L3MBTL4: variants seen among roughly 807,000 people sequenced by gnomAD.
L3MBTL4 encodes L3MBTL histone methyl-lysine binding protein 4.
L3MBTL4 carries 70 observed loss-of-function variants against 84.5 expected under a neutral mutation model. That is an observed-to-expected ratio of 0.83 (90% CI 0.68 to 1.01). The LOEUF is 1.01. Ranked by LOEUF, L3MBTL4 falls within the 50% of genes least tolerant of loss-of-function variation. The probability of loss-of-function intolerance (pLI) is 0.00; values close to 1 mark genes in which losing one functional copy is unlikely to be tolerated. For synonymous variants in L3MBTL4, 274 were observed against 259.8 expected (o/e 1.05, Z -0.52); for missense variants, 715 against 754.8 (o/e 0.95, Z 0.62).
intron 12 of L3MBTL4, among the ~76,000 whole-genome samples, chr18:6,182,294 C>G (rs926054262): frequency 1.3e-5 from 2 of 152,098 alleles, no homozygotes; most frequent in Admixed American, 6.6e-5. Flanking sequence ...GTGTGTGTGT[C>G]TCTTTTTGAA....
At chr18:6,169,569 C>T (rs2043858419) in intron 13 of L3MBTL4, among the ~76,000 whole-genome samples, 1 of 150,656 alleles carries the variant, frequency 6.6e-6, no homozygotes, top group Non-Finnish European at 1.5e-5. Flanking sequence ...CTCAGCCACC[C>T]ATCACAAGGA....
At chr18:6,012,529 A>G (rs142053529) in intron 16 of L3MBTL4, among the ~76,000 whole-genome samples, 3 of 152,238 alleles carry the variant, frequency 2.0e-5, no homozygotes, top group African/African-American at 7.2e-5. Flanking sequence ...TTCTGTATTA[A>G]GTTCTCTGTA....
intron 16 of L3MBTL4, chr18:6,031,802 A>C (rs2055814139): frequency 1.4e-5 from 13 of 959,228 alleles, no homozygotes; most frequent in Non-Finnish European, 1.5e-5. Context: ...AAGGCAAATC[A>C]GATTCATGGT....
In L3MBTL4 at chr18:6,115,039, G is replaced by A. The variant is rs143580508; in HGVS notation, c.1200-21511C>T. On this transcript the variant is annotated intron_variant, in intron 14 of 18. Transcript: ENST00000317931. Reference sequence around the variant, plus strand: ...TTGGGGGTTCACCAAGTGAAGTGTCGGTGAGATTGGGACAGTGACAGGCTC... The same window carrying A: ...TTGGGGGTTCACCAAGTGAAGTGTCAGTGAGATTGGGACAGTGACAGGCTC... Among the ~76,000 whole-genome samples the A allele has an allele frequency of 9.0e-3, 1,361 of 152,054 alleles. 13 individuals are homozygous for A. Among genetic ancestry groups the A allele is most frequent in the South Asian group, 0.02 (98 of 4,812 alleles).
At chr18:6,114,225 G>A (rs1399398847) in intron 14 of L3MBTL4, among the ~76,000 whole-genome samples, 1 of 152,202 alleles carries the variant, frequency 6.6e-6, no homozygotes, top group African/African-American at 2.4e-5. Context: ...GGAGATAAGA[G>A]CAGGGCTGGG....
chr18:6,261,806 T>C (rs1040457887), intron 5 of L3MBTL4, among the ~76,000 whole-genome samples: 3 of 152,206 alleles, frequency 2.0e-5, no homozygotes, highest in African/African-American at 4.8e-5. Context: ...GAAGAAGCTC[T>C]AGAATAATGT....
intron 15 of L3MBTL4, among the ~76,000 whole-genome samples, chr18:6,088,545 C>G (rs1360321523): frequency 1.4e-5 from 2 of 145,462 alleles, no homozygotes; most frequent in African/African-American, 5.3e-5. Context: ...AACAACACTG[C>G]AGGCGATGAT....
chr18:6,130,633 T>G (rs550702100), intron 14 of L3MBTL4, among the ~76,000 whole-genome samples: 1 of 152,332 alleles, frequency 6.6e-6, no homozygotes, highest in South Asian at 2.1e-4. Flanking sequence ...TACCTGTGTA[T>G]GTTTTATGAC....
chr18:6,277,810 G>A (rs995160996), intron 4 of L3MBTL4, among the ~76,000 whole-genome samples: 2 of 151,914 alleles, frequency 1.3e-5, no homozygotes, highest in African/African-American at 4.8e-5. Context: ...ATACAGAAAA[G>A]GTAATAATAA....
At chr18:6,290,531 T>A (rs75297998) in intron 4 of L3MBTL4, among the ~76,000 whole-genome samples, 14 of 100,226 alleles carry the variant, frequency 1.4e-4, no homozygotes, top group Non-Finnish European at 1.7e-4. Context: ...TTTTATTTTT[T>A]TTTTTTAATT....
chr18:6,103,659 T>C (rs1294059078), intron 14 of L3MBTL4, among the ~76,000 whole-genome samples: 1 of 152,222 alleles, frequency 6.6e-6, no homozygotes, highest in Admixed American at 6.5e-5. Context: ...TTAAATGAAA[T>C]TGTTAACAGT....
At chr18:6,174,160 A>C (rs1042440056) in intron 12 of L3MBTL4, among the ~76,000 whole-genome samples, 3 of 151,254 alleles carry the variant, frequency 2.0e-5, no homozygotes, top group African/African-American at 7.3e-5. Flanking sequence ...AAAAAAAAAA[A>C]CTCCCACTAT....
In L3MBTL4 at chr18:6,263,997, A is replaced by G. The variant is rs1568403776; in HGVS notation, c.169T>C (p.Tyr57His). ...GCGACAGCCTTCTGTTCTTTCAAGTACCACTCCCAAGACCATGCTCCCTGT... is the reference window on the plus strand; with the variant it reads ...GCGACAGCCTTCTGTTCTTTCAAGTGCCACTCCCAAGACCATGCTCCCTGT... ...AAQGAWSWEW[Y>H]LKEQKAVAAP... Residue 57 changes from tyrosine (Y) to histidine (H), a missense_variant, in exon 5 of 19, where the codon TAC (tyrosine) becomes CAC (histidine). Coordinates refer to ENST00000317931, the MANE Select transcript of L3MBTL4 (RefSeq NM_001330559.2). The G allele has an allele frequency of 6.2e-7, 1 of 1,614,102 alleles. No homozygotes were observed. Among genetic ancestry groups the G allele is most frequent in the Non-Finnish European group, 8.5e-7 (1 of 1,179,918 alleles).
At chr18:6,016,011 G>A (rs867847229) in intron 16 of L3MBTL4, among the ~76,000 whole-genome samples, 58 of 152,306 alleles carry the variant, frequency 3.8e-4, no homozygotes, top group African/African-American at 1.3e-3. Flanking sequence ...TCTCTACTGA[G>A]TGTCCTGTGA....
chr18:6,090,378 T>C (rs2058403048), intron 15 of L3MBTL4, among the ~76,000 whole-genome samples: 1 of 152,052 alleles, frequency 6.6e-6, no homozygotes, highest in South Asian at 2.1e-4. Flanking sequence ...TATTTACTAA[T>C]TATAACCCTG....
intron 1 of L3MBTL4, among the ~76,000 whole-genome samples, chr18:6,375,859 C>T (rs2054345342): frequency 6.6e-6 from 1 of 152,094 alleles, no homozygotes; most frequent in Non-Finnish European, 1.5e-5. Flanking sequence ...GTGAGCAGAG[C>T]CACTCAACAA....
At chr18:5,958,907 G>A (rs368427265) in intron 18 of L3MBTL4, among the ~76,000 whole-genome samples, 27 of 152,160 alleles carry the variant, frequency 1.8e-4, no homozygotes, top group Admixed American at 9.2e-4. Flanking sequence ...CTTACCCTAC[G>A]TGGACAGACT....
chr18:6,030,258 C>A (rs1013116722), intron 16 of L3MBTL4: 1 of 971,036 alleles, frequency 1.0e-6, no homozygotes, highest in Non-Finnish European at 1.2e-6. Context: ...GGAGAGATAC[C>A]CCCTTATACC....
intron 13 of L3MBTL4, among the ~76,000 whole-genome samples, chr18:6,141,021 GC>G (rs1390889900): frequency 6.6e-6 from 1 of 150,670 alleles, no homozygotes; most frequent in East Asian, 2.0e-4. Flanking sequence ...GACTATGAGT[GC>G]CTCTGAAAGG....
Sources: gnomAD v4.1 joint callset for allele counts (sites outside exome capture counted in the v4.1 genomes callset) on GRCh38, gnomAD v4.1.1 for gene constraint, MANE v1.5 for transcripts, NCBI Gene and HGNC (gene_info 2026-07-23, HGNC 2026-07-21) for gene names.